RIN3: variants seen among roughly 807,000 people sequenced by gnomAD.
RIN3 encodes RAB5 interacting protein 3.
In RIN3, 54 loss-of-function variants were observed where a neutral mutation model predicts 76.3. That is an observed-to-expected ratio of 0.71 (90% CI 0.57 to 0.89). The LOEUF is 0.89. Among genes scored for constraint, RIN3 ranks in the 40% least tolerant of loss-of-function variants. The pLI, the probability that RIN3 is intolerant of heterozygous loss-of-function variation, is 0.00. For missense variants in RIN3, 1,256 were observed against 1,322.1 expected (o/e 0.95, Z 0.78); for synonymous variants, 576 against 564.0 (o/e 1.02, Z -0.30).
chr14:92,589,502 C>A (rs1157064780), intron 3 of RIN3, among the ~76,000 whole-genome samples: 6 of 152,130 alleles, frequency 3.9e-5, no homozygotes, highest in Non-Finnish European at 1.5e-5. Flanking sequence ...AGGGAGACAG[C>A]CTGATCTGGA....
intron 3 of RIN3, among the ~76,000 whole-genome samples, chr14:92,588,382 C>T (rs28575343): frequency 0.31 from 47,577 of 151,818 alleles, 8,615 homozygotes; most frequent in Non-Finnish European, 0.42. Flanking sequence ...CATGTGCCGC[C>T]GCCCCTGGCA....
chr14:92,638,869 C>T (rs1300706745), intron 4 of RIN3, among the ~76,000 whole-genome samples: 3 of 152,174 alleles, frequency 2.0e-5, no homozygotes, highest in Non-Finnish European at 4.4e-5. Flanking sequence ...AGAAAGGGCC[C>T]AGAACCTGTG....
intron 3 of RIN3, among the ~76,000 whole-genome samples, chr14:92,601,618 A>G (rs1263709225): frequency 1.3e-5 from 2 of 152,106 alleles, no homozygotes; most frequent in African/African-American, 4.8e-5. Context: ...CAGAGAGAAC[A>G]AAGTGTTTTT....
chr14:92,592,239 T>G (rs1885002327), intron 3 of RIN3, among the ~76,000 whole-genome samples: 1 of 151,844 alleles, frequency 6.6e-6, no homozygotes, highest in Non-Finnish European at 1.5e-5. Flanking sequence ...ACGTTTCTAC[T>G]AAAAATACAA....
chr14:92,603,885 A>G (rs1471106758), intron 3 of RIN3, among the ~76,000 whole-genome samples: 2 of 152,226 alleles, frequency 1.3e-5, no homozygotes, highest in South Asian at 2.1e-4. Context: ...AGAAATCGCT[A>G]TCTTCCCCAC....
At chr14:92,551,955 T>TA (rs1341852339) in intron 1 of RIN3, among the ~76,000 whole-genome samples, 1 of 152,200 alleles carries the variant, frequency 6.6e-6, no homozygotes, top group African/African-American at 2.4e-5. Flanking sequence ...CAGTTGGAAA[T>TA]AATCTTGGGA....
Position 92,652,723 on chromosome 14 carries a change from G to A in RIN3, c.1674G>A (p.Glu558=), listed in dbSNP as rs778303745. The change falls in exon 6 of 10, where the codon GAG becomes GAA. Residue 558 remains glutamate (E), a synonymous_variant. Transcript: ENST00000216487. This position sits in a 1 kb window ranked among gnomAD's most constrained non-coding sequence, Gnocchi z 6.4. ...DSYSTSSTEE[E]LEQFSSPSVK... The stretch of plus-strand genomic sequence containing the variant: ...ACTCCACCAGCAGCACGGAGGAGGA[G>A]CTGGAGCAGTTCAGCAGCCCCAGCG... The A allele has an allele frequency of 6.8e-6, 11 of 1,613,740 alleles. No individual in the cohort carries two copies. The highest frequency in any genetic ancestry group is 9.3e-6 in the Non-Finnish European group (11 of 1,180,040).
At chr14:92,586,163 C>A (rs958638050) in intron 3 of RIN3, among the ~76,000 whole-genome samples, 2 of 152,136 alleles carry the variant, frequency 1.3e-5, no homozygotes, top group African/African-American at 4.8e-5. Flanking sequence ...GACCGTGTTG[C>A]CTGGCACATG....
chr14:92,607,450 T>C (rs756617205), intron 3 of RIN3, among the ~76,000 whole-genome samples: 1 of 152,174 alleles, frequency 6.6e-6, no homozygotes, highest in Non-Finnish European at 1.5e-5. Context: ...TACCCATCTC[T>C]ACAAAAAATT....
chr14:92,532,768 G>A (rs1345911608), intron 1 of RIN3, among the ~76,000 whole-genome samples: 1 of 152,222 alleles, frequency 6.6e-6, no homozygotes, highest in Non-Finnish European at 1.5e-5. Context: ...TCTCCTCAGA[G>A]CCGTCTGAGA....
rs572205145 is a variant in RIN3 at position 92,568,825 on chromosome 14, G to A, written c.250-8535G>A. Among the ~76,000 whole-genome samples the A allele has an allele frequency of 1.7e-3, 265 of 152,378 alleles. 1 individual carries two copies. The highest frequency in any genetic ancestry group is 6.0e-3 in the African/African-American group (248 of 41,592). Reference sequence around the variant, plus strand: ...TGGCCATGCTGAAAGGGTGGGTGATGGGTTCGGAGCTGGGGAGCTGGCAGA... The same window carrying A: ...TGGCCATGCTGAAAGGGTGGGTGATAGGTTCGGAGCTGGGGAGCTGGCAGA... On this transcript the variant is annotated intron_variant, in intron 2 of 9. Coordinates refer to ENST00000216487, the MANE Select transcript of RIN3 (RefSeq NM_024832.5). This position sits in a 1 kb window ranked among gnomAD's most constrained non-coding sequence, Gnocchi z 4.2.
chr14:92,637,774 A>T (rs777690863), intron 4 of RIN3, among the ~76,000 whole-genome samples: 1 of 152,008 alleles, frequency 6.6e-6, no homozygotes, highest in Non-Finnish European at 1.5e-5. Flanking sequence ...CCTTTTCCTT[A>T]AAAAAAATGT....
intron 4 of RIN3, among the ~76,000 whole-genome samples, chr14:92,638,737 G>A (rs942544019): frequency 1.8e-4 from 27 of 152,240 alleles, no homozygotes; most frequent in Non-Finnish European, 2.8e-4. Context: ...CATCCAGTCC[G>A]GCCATCAGAA....
rs879749736 is a variant in RIN3, at chr14:92,518,816, T to TGTGTGC, written c.44+4845_44+4846insCGTGTG. Among the ~76,000 whole-genome samples the TGTGTGC allele has an allele frequency of 4.0e-3, 604 of 151,246 alleles. 2 individuals are homozygous for TGTGTGC. Among genetic ancestry groups the TGTGTGC allele is most frequent in the Non-Finnish European group, 7.2e-3 (487 of 67,672 alleles). ...GTGTGTGTGTGTGTGTGTGTGTGTGTGTGTGTGTGTCAGCATCAGTGTCAG... is the reference window on the plus strand; with the variant it reads ...GTGTGTGTGTGTGTGTGTGTGTGTGTGTGTGCGTGTGTGTGTCAGCATCAGTGTCAG... On this transcript the variant is annotated intron_variant, in intron 1 of 9. Transcript: ENST00000216487.
chr14:92,556,582 GGATA>G (rs929394724), intron 2 of RIN3, among the ~76,000 whole-genome samples: 13 of 136,628 alleles, frequency 9.5e-5, no homozygotes, highest in African/African-American at 3.0e-4. Flanking sequence ...ACAGACAGAT[GGATA>G]GATAGATGGA....
intron 4 of RIN3, among the ~76,000 whole-genome samples, chr14:92,626,810 G>C (rs2181377): frequency 0.089 from 13,582 of 152,148 alleles, 865 homozygotes; most frequent in East Asian, 0.27. Context: ...CCTCTGCCTA[G>C]GGGTTGGTTT....
At chr14:92,607,575 C>T (rs1885572467) in intron 3 of RIN3, among the ~76,000 whole-genome samples, 1 of 152,212 alleles carries the variant, frequency 6.6e-6, no homozygotes, top group Non-Finnish European at 1.5e-5. Flanking sequence ...CACTACTGCA[C>T]TCCAGCCTGG....
intron 2 of RIN3, among the ~76,000 whole-genome samples, chr14:92,562,402 C>T (rs563089093): frequency 6.6e-6 from 1 of 152,272 alleles, no homozygotes; most frequent in East Asian, 1.9e-4. Context: ...CTCAGCCCAC[C>T]TTTAAGGAAT....
At chr14:92,572,069 G>A (rs751093372) in intron 2 of RIN3, among the ~76,000 whole-genome samples, 2 of 152,266 alleles carry the variant, frequency 1.3e-5, no homozygotes, top group Non-Finnish European at 2.9e-5. Context: ...ACACTTGGAA[G>A]AGGGTCAGGT....
Sources: allele counts gnomAD v4.1 joint callset (sites outside exome capture counted in the v4.1 genomes callset), GRCh38; gene constraint gnomAD v4.1.1; non-coding constraint Gnocchi (gnomAD v3.1); transcripts MANE v1.5; gene names NCBI Gene and HGNC (gene_info 2026-07-23, HGNC 2026-07-21).